The following ZNF423 variants were observed in gnomAD, a reference collection of about 807,000 sequenced individuals.
ZNF423 encodes zinc finger protein 423.
Under a neutral mutation model 95.8 loss-of-function variants are expected in ZNF423, and 12 were observed. That is an observed-to-expected ratio of 0.13 (90% CI 0.08 to 0.20). The LOEUF is 0.20. ZNF423 is among the 10% of genes least tolerant of loss of function. The pLI is 1.00. For synonymous variants in ZNF423, 749 were observed against 711.9 expected (o/e 1.05, Z -0.83); for missense variants, 1,316 against 1,737.1 (o/e 0.76, Z 4.31).
intron 5 of ZNF423, among the ~76,000 whole-genome samples, chr16:49,618,417 C>A (rs1032508746): frequency 1.3e-5 from 2 of 152,156 alleles, no homozygotes; most frequent in Admixed American, 6.5e-5. Flanking sequence ...GTAATCCCCA[C>A]GTGTCGAGAG....
intron 7 of ZNF423, among the ~76,000 whole-genome samples, chr16:49,507,108 G>A (rs1967678842): frequency 6.6e-6 from 1 of 152,166 alleles, no homozygotes; most frequent in African/African-American, 2.4e-5. Flanking sequence ...GCTTCTCTAA[G>A]CACTCCTTCA....
chr16:49,834,046 G>A (rs2035090617), intron 1 of ZNF423, among the ~76,000 whole-genome samples: 1 of 152,246 alleles, frequency 6.6e-6, no homozygotes, highest in Admixed American at 6.5e-5. Context: ...CAACACCCGA[G>A]CAGGACAGAG....
In ZNF423 at chr16:49,668,388, C is replaced by A. The variant is rs1049923256; in HGVS notation, c.302-29514G>T. 5.9e-5 allele frequency among the ~76,000 whole-genome samples: 9 copies of A among 152,198 alleles called. 1 individual carries two copies. Among genetic ancestry groups the A allele is most frequent in the African/African-American group, 2.2e-4 (9 of 41,468 alleles). On this transcript the variant is annotated intron_variant, in intron 3 of 7. Transcript: ENST00000563137. ...GAGTCCTCCCAGGATGGGACTCCTA[C>A]CTTCCTTGCCCTTCTCTTGCCCAGG...
intron 2 of ZNF423, among the ~76,000 whole-genome samples, chr16:49,766,602 C>T (rs961767023): frequency 6.6e-6 from 1 of 152,218 alleles, no homozygotes; most frequent in South Asian, 2.1e-4. Flanking sequence ...CCGGGAGGCC[C>T]AGGAAACTCA....
chr16:49,792,290 C>A (rs1443338126), intron 1 of ZNF423, among the ~76,000 whole-genome samples: 1 of 152,124 alleles, frequency 6.6e-6, no homozygotes, highest in African/African-American at 2.4e-5. Context: ...CTTGAGGATG[C>A]CCCAAAGATG....
At chr16:49,623,490 C>G (rs1972153991) in intron 5 of ZNF423, among the ~76,000 whole-genome samples, 1 of 152,240 alleles carries the variant, frequency 6.6e-6, no homozygotes, top group Non-Finnish European at 1.5e-5. Context: ...TCCAATTAGC[C>G]AGGCTTGCGC....
Position 49,620,376 on chromosome 16 carries a change from G to C in ZNF423, c.3601+5794C>G, listed in dbSNP as rs138790117. Among the ~76,000 whole-genome samples, 816 of 152,230 alleles carry C rather than the reference G, an allele frequency of 5.4e-3. 8 individuals carry two copies. The highest frequency in any genetic ancestry group is 0.018 in the African/African-American group (760 of 41,550). ...GCACTGGGGACACTTTAAGAGCCTGGGCAGGAGGCAGGAGGGGTTGATTTT... is the reference window on the plus strand; with the variant it reads ...GCACTGGGGACACTTTAAGAGCCTGCGCAGGAGGCAGGAGGGGTTGATTTT... On this transcript the variant is annotated intron_variant, in intron 5 of 7. Transcript: ENST00000563137.
intron 5 of ZNF423, among the ~76,000 whole-genome samples, chr16:49,558,641 C>T (rs1969916185): frequency 6.6e-6 from 1 of 152,078 alleles, no homozygotes. Flanking sequence ...CTAAGGGATC[C>T]ACACACACCC....
chr16:49,798,463 A>T (rs2034532281), intron 1 of ZNF423, among the ~76,000 whole-genome samples: 1 of 150,936 alleles, frequency 6.6e-6, no homozygotes, highest in Admixed American at 6.6e-5. Context: ...AGCCAAGATC[A>T]CACCACTGCA....
chr16:49,715,470 G>A (rs1029471598), intron 3 of ZNF423, among the ~76,000 whole-genome samples: 4 of 152,328 alleles, frequency 2.6e-5, no homozygotes, highest in Non-Finnish European at 5.9e-5. Flanking sequence ...GGCCGGGCAC[G>A]GCAGCTGGCA....
intron 3 of ZNF423, among the ~76,000 whole-genome samples, chr16:49,689,396 G>T (rs913181044): frequency 1.3e-5 from 2 of 152,008 alleles, no homozygotes; most frequent in Non-Finnish European, 2.9e-5. Context: ...AGGTTGCAGT[G>T]GGCTATGATG....
chr16:49,579,953 C>G (rs897059993), intron 5 of ZNF423, among the ~76,000 whole-genome samples: 1 of 152,142 alleles, frequency 6.6e-6, no homozygotes, highest in Non-Finnish European at 1.5e-5. Context: ...ACGCAGCCTC[C>G]CCAGCCACTG....
chr16:49,572,960 G>T (rs966953873), intron 5 of ZNF423, among the ~76,000 whole-genome samples: 2 of 152,236 alleles, frequency 1.3e-5, no homozygotes, highest in Admixed American at 6.5e-5. Flanking sequence ...GATATGGAGT[G>T]CATAGTACAT....
chr16:49,509,421 G>A (rs1444251400), intron 7 of ZNF423, among the ~76,000 whole-genome samples: 1 of 152,144 alleles, frequency 6.6e-6, no homozygotes. Context: ...CCACATTATT[G>A]ACACAGCAAA....
intron 5 of ZNF423, among the ~76,000 whole-genome samples, chr16:49,579,463 C>A (rs1232950977): frequency 6.6e-6 from 1 of 152,120 alleles, no homozygotes; most frequent in African/African-American, 2.4e-5. Flanking sequence ...AAATCAGCTA[C>A]CTACTGGCCC....
At chr16:49,700,734 C>T (rs970488828) in intron 3 of ZNF423, among the ~76,000 whole-genome samples, 1 of 152,210 alleles carries the variant, frequency 6.6e-6, no homozygotes, top group African/African-American at 2.4e-5. Context: ...GCATCTGACC[C>T]AACCAGCTCC....
chr16:49,588,994 C>T (rs991861259), intron 5 of ZNF423, among the ~76,000 whole-genome samples: 4 of 152,246 alleles, frequency 2.6e-5, no homozygotes, highest in African/African-American at 9.6e-5. Context: ...CTACTGCTCA[C>T]AGCAGCAATG....
chr16:49,855,542 C>T lies in ZNF423; in HGVS notation c.40+193G>A, dbSNP rs1021401227. 1.3e-5 allele frequency among the ~76,000 whole-genome samples: 2 copies of T among 150,170 alleles called. No homozygotes were observed. The highest frequency in any genetic ancestry group is 4.9e-5 in the African/African-American group (2 of 41,086). ...GCCGCCGCCGCCGCCGCCGCCTCCG[C>T]CTCCTGCTCCCGGCTTCCTCCTCCC... On this transcript the variant is annotated intron_variant, in intron 1 of 7. Transcript: ENST00000563137. This position sits in a 1 kb window ranked among gnomAD's most constrained non-coding sequence, Gnocchi z 4.7.
chr16:49,637,771 G>C lies in ZNF423; in HGVS notation c.1405C>G (p.Arg469Gly), dbSNP rs569507095. Reference protein sequence around the residue: ...PTLYNLNEHVRKLHKNHAYPV... With the variant: ...PTLYNLNEHVGKLHKNHAYPV... ...TAGGCATGGTTCTTGTGCAGCTTGC[G>C]AACGTGCTCGTTGAGGTTGTAGAGG... Residue 469 changes from arginine (R) to glycine (G), a missense_variant, in exon 4 of 8, where the codon CGC becomes GGC. By Grantham distance (125) the Arg-to-Gly change is moderately radical. Coordinates refer to ENST00000563137, the MANE Select transcript of ZNF423 (RefSeq NM_001379286.1). The surrounding 1 kb of genome is among the most constrained non-coding windows in gnomAD (Gnocchi z 5.6). The C allele has an allele frequency of 6.2e-7, 1 of 1,614,130 alleles. No homozygotes were observed. Among genetic ancestry groups the C allele is most frequent in the Admixed American group, 1.7e-5 (1 of 60,030 alleles).
Sources: gnomAD v4.1 joint callset for allele counts (sites outside exome capture counted in the v4.1 genomes callset) on GRCh38, gnomAD v4.1.1 for gene constraint, Gnocchi (gnomAD v3.1) non-coding constraint, MANE v1.5 for transcripts, NCBI Gene and HGNC (gene_info 2026-07-23, HGNC 2026-07-21) for gene names.